PPOX: variants seen among roughly 807,000 people sequenced by gnomAD.
PPOX encodes the protein protoporphyrinogen oxidase.
Under a neutral mutation model 54.1 loss-of-function variants are expected in PPOX, and 23 were observed. That is an observed-to-expected ratio of 0.43 (90% CI 0.31 to 0.60). The LOEUF is 0.60. Ranked by LOEUF, PPOX falls within the 20% of genes least tolerant of loss-of-function variation. PPOX has a pLI of 0.13. For missense variants in PPOX, 512 were observed against 601.1 expected, an observed-to-expected ratio of 0.85 and a Z score of 1.55; for synonymous variants, 224 against 236.1, an observed-to-expected ratio of 0.95 and a Z score of 0.47.
chr1:161,171,194 T>C lies in PPOX; in HGVS notation c.*18T>C, dbSNP rs1558041500. On this transcript the variant is annotated 3_prime_UTR_variant, in exon 13 of 13. Coordinates refer to ENST00000367999, the MANE Select transcript of PPOX (RefSeq NM_001122764.3). Reference sequence around the variant, plus strand: ...ACAGCTGATCCCCAACTCTCATTCATGAAAATAAAAATTGCTGGAGCTTGG... The same window carrying C: ...ACAGCTGATCCCCAACTCTCATTCACGAAAATAAAAATTGCTGGAGCTTGG... 1 of 1,612,954 alleles carries C rather than the reference T, an allele frequency of 6.2e-7. No individual in the cohort carries two copies. The highest frequency in any genetic ancestry group is 1.1e-5 in the South Asian group (1 of 91,022).
chr1:161,177,070 T>C, downstream of PPOX: 1 of 1,486,854 alleles, frequency 6.7e-7, no homozygotes, highest in Non-Finnish European at 9.0e-7. Flanking sequence ...TTTCTACCTT[T>C]CCCCTCTTCT....
In PPOX at chr1:161,170,824, C is replaced by G. The variant is rs1362048759; in HGVS notation, c.1248+55C>G. On this transcript the variant is annotated intron_variant, in intron 11 of 12. Coordinates refer to ENST00000367999, the MANE Select transcript of PPOX (RefSeq NM_001122764.3). ...CCACTGAAGGCCTTGAAGACAGAGACTGGAACATTTGTCACTGTATGTCAG... is the reference window on the plus strand; with the variant it reads ...CCACTGAAGGCCTTGAAGACAGAGAGTGGAACATTTGTCACTGTATGTCAG... 8 of 1,613,856 alleles carry G rather than the reference C, an allele frequency of 5.0e-6. No homozygotes were observed. In the East Asian group the frequency reaches 1.8e-4, roughly 36 times the overall value.
rs1659772587 is a variant in PPOX, at chr1:161,168,097, C to T, written c.441C>T (p.His147=). ...PRGKEPDETV[H]SFAQRRLGPE... is the part of the protein sequence containing the mutation. ...GCAAAGAGCCTGATGAGACTGTGCA[C>T]AGTTTTGCCCAGCGCCGCCTTGGAC... The change falls in exon 5 of 13, where the codon CAC becomes CAT. Residue 147 remains histidine, a synonymous_variant. Coordinates refer to ENST00000367999, the MANE Select transcript of PPOX (RefSeq NM_001122764.3). 1 of 1,614,160 alleles carries T rather than the reference C, an allele frequency of 6.2e-7. No individual in the cohort carries two copies. Among genetic ancestry groups the T allele is most frequent in the East Asian group, 2.2e-5 (1 of 44,868 alleles).
Position 161,171,039 on chromosome 1 carries a change from G to C in PPOX, c.1297G>C (p.Ala433Pro), listed in dbSNP as rs1361576529. 3 of 1,614,216 alleles carry C rather than the reference G, an allele frequency of 1.9e-6. No individual in the cohort carries two copies. Among genetic ancestry groups the C allele is most frequent in the Non-Finnish European group, 2.5e-6 (3 of 1,180,034 alleles). Residue 433 changes from alanine to proline, a missense_variant, in exon 13 of 13, where the codon GCT becomes CCT. Ala to Pro is a conservative substitution (Grantham distance 27, BLOSUM62 -1). Transcript: ENST00000367999. ...CTTTCATCCTTTCCTTCCAGAGTCA[G>C]CTAGGCAATTCCTGACTGCTCACAG... ...TLGHWQKLES[A>P]RQFLTAHRLP...
At chr1:161,170,577 T>C (rs576187121) in intron 10 of PPOX, 43 bp from the exon 11 acceptor site, 99 of 1,614,194 alleles carry the variant, frequency 6.1e-5, no homozygotes, top group Non-Finnish European at 8.0e-5. Flanking sequence ...TGTGCTCCAT[T>C]GTAGGCAAGG....
chr1:161,173,744 C>T (rs772886747), downstream of PPOX: 9 of 1,614,006 alleles, frequency 5.6e-6, no homozygotes, highest in African/African-American at 1.3e-5. Flanking sequence ...AGAGAAAGAT[C>T]CTTGCATACC....
At chr1:161,175,766 A>G, downstream of PPOX, 1 of 1,604,780 alleles carries the variant, frequency 6.2e-7, no homozygotes, top group Non-Finnish European at 8.5e-7. Context: ...CTGTCTCCGC[A>G]CCTTGTCCTT....
chr1:161,172,324 G>A (rs772007951), downstream of PPOX: 2 of 1,613,756 alleles, frequency 1.2e-6, no homozygotes, highest in Non-Finnish European at 1.7e-6. Flanking sequence ...ATCCCAGCCA[G>A]GCGCACCCTA....
downstream of PPOX, among the ~76,000 whole-genome samples, chr1:161,174,460 G>T (rs868661137): frequency 6.6e-6 from 1 of 152,126 alleles, no homozygotes; most frequent in East Asian, 1.9e-4. Context: ...TCAAAGTGGG[G>T]TGGAGGGCAA....
chr1:161,172,181 C>G (rs377190536), downstream of PPOX: 168 of 1,612,858 alleles, frequency 1.0e-4, no homozygotes, highest in Middle Eastern at 1.6e-4. Context: ...GTACAGAACC[C>G]TGAGGATCCA....
chr1:161,169,400 C>T (rs763053845), intron 7 of PPOX: 47 of 702,916 alleles, frequency 6.7e-5, no homozygotes, highest in Non-Finnish European at 1.1e-4. Context: ...TTATAAGTGG[C>T]TTAGAGATAG....
chr1:161,168,078 A>G lies in PPOX; in HGVS notation c.422A>G (p.Glu141Gly), dbSNP rs1265916960. Reference sequence around the variant, plus strand: ...GAGCTGACCAAGCCCCGGGGCAAAGAGCCTGATGAGACTGTGCACAGTTTT... The same window carrying G: ...GAGCTGACCAAGCCCCGGGGCAAAGGGCCTGATGAGACTGTGCACAGTTTT... ...LRELTKPRGK[E>G]PDETVHSFAQ... Residue 141 changes from glutamate to glycine, a missense_variant, in exon 5 of 13, where the codon GAG becomes GGG. Glu to Gly is a moderately conservative substitution (Grantham distance 98, BLOSUM62 -2). Coordinates refer to ENST00000367999, the MANE Select transcript of PPOX (RefSeq NM_001122764.3). 2 of 1,613,980 alleles carry G rather than the reference A, an allele frequency of 1.2e-6. No individual in the cohort carries two copies.
chr1:161,176,161 A>T, downstream of PPOX: 1 of 1,403,690 alleles, frequency 7.1e-7, no homozygotes, highest in South Asian at 1.3e-5. Flanking sequence ...AGGTGATGCC[A>T]GGGGTAAAGA....
At chr1:161,172,266 T>G (rs368847387), downstream of PPOX, 5 of 1,614,158 alleles carry the variant, frequency 3.1e-6, no homozygotes, top group Non-Finnish European at 4.2e-6. Flanking sequence ...TCCTCGGTGC[T>G]TCACCATCTT....
downstream of PPOX, chr1:161,173,694 T>C (rs2101941954): frequency 6.2e-7 from 1 of 1,614,146 alleles, no homozygotes. Flanking sequence ...GAGTAAGTGC[T>C]GAGACTCCTC....
chr1:161,168,139 C>T lies in PPOX; in HGVS notation c.471+12C>T. 1 of 1,614,156 alleles carries T rather than the reference C, an allele frequency of 6.2e-7. No homozygotes were observed. Among genetic ancestry groups the T allele is most frequent in the Non-Finnish European group, 8.5e-7 (1 of 1,180,028 alleles). On this transcript the variant is annotated intron_variant, in intron 5 of 12. Transcript: ENST00000367999. Reference sequence around the variant, plus strand: ...GCCTTGGACCTGAGGTGACACTTGCCCAGAGGCCCCAAACCTCTTCCCTCC... The same window carrying T: ...GCCTTGGACCTGAGGTGACACTTGCTCAGAGGCCCCAAACCTCTTCCCTCC...
Position 161,169,117 on chromosome 1 carries a change from G to A in PPOX, c.741G>A (p.Arg247=), listed in dbSNP as rs149049124. The change falls in exon 7 of 13, where the codon AGG becomes AGA. Residue 247 remains arginine (R), a synonymous_variant. Transcript: ENST00000367999. The part of the protein sequence containing the change: ...PQALETHLTS[R]GVSVLRGQPV... ...CCCTTGAAACCCACCTGACTAGTAG[G>A]GGGGTCAGTGTTCTCAGAGGCCAGC... 6.1e-5 allele frequency: 98 copies of A among 1,614,102 alleles called. No homozygotes were observed. The highest frequency in any genetic ancestry group is 7.9e-5 in the Non-Finnish European group (93 of 1,180,054).
rs1196454265 is a variant in PPOX, at chr1:161,171,192, C to A, written c.*16C>A. 1 of 1,612,934 alleles carries A rather than the reference C, an allele frequency of 6.2e-7. No individual in the cohort carries two copies. The highest frequency in any genetic ancestry group is 1.1e-5 in the South Asian group (1 of 91,016). ...TAACAGCTGATCCCCAACTCTCATT[C>A]ATGAAAATAAAAATTGCTGGAGCTT... On this transcript the variant is annotated 3_prime_UTR_variant, in exon 13 of 13. Transcript: ENST00000367999.
rs2101837250 is a variant in PPOX at position 161,166,555 on chromosome 1, G to A, written c.-126G>A. 2.9e-6 allele frequency: 4 copies of A among 1,392,938 alleles called. No homozygotes were observed. The South Asian group carries it at 6.1e-5, about 21-fold the overall frequency. The allele number at this position is 1,392,938 out of a possible 1,614,324, so 86.3% of individuals were successfully genotyped here. On this transcript the variant is annotated 5_prime_UTR_variant, in exon 1 of 13. Coordinates refer to ENST00000367999, the MANE Select transcript of PPOX (RefSeq NM_001122764.3). ...GCGTACTGCCCGCCGCCCGAGCCCT[G>A]CGAGGGCCGATAGCGAGGGTGTGGC...
Sources: allele counts gnomAD v4.1 joint callset (sites outside exome capture counted in the v4.1 genomes callset), GRCh38; gene constraint gnomAD v4.1.1; transcripts MANE v1.5; gene names NCBI Gene and HGNC (gene_info 2026-07-23, HGNC 2026-07-21).